CBLB: variants seen among roughly 807,000 people sequenced by gnomAD.
CBLB encodes the protein E3 ubiquitin-protein ligase CBL-B.
CBLB carries 31 observed loss-of-function variants against 104.9 expected under a neutral mutation model. The ratio of observed to expected loss-of-function variants is 0.30; its 90% CI spans 0.22 to 0.40. The LOEUF (loss-of-function observed/expected upper bound fraction) is 0.40. Among genes scored for constraint, CBLB ranks in the 10% least tolerant of loss-of-function variants. The pLI is 1.00. For synonymous variants in CBLB, 440 were observed against 422.6 expected (o/e 1.04, Z -0.51); for missense variants, 1,062 against 1,214.6 (o/e 0.87, Z 1.87).
rs567749134 is a variant in CBLB at position 105,669,422 on chromosome 3, G to T, written c.2689+811C>A. The stretch of plus-strand genomic sequence containing the variant: ...ACTAGACACTGAATGTTGGTAGCTT[G>T]ATCTTGGACTTCCCAGCTTCCAGAA... On this transcript the variant is annotated intron_variant, in intron 18 of 18. Transcript: ENST00000394030. 3.3e-5 allele frequency among the ~76,000 whole-genome samples: 5 copies of T among 152,240 alleles called. No individual in the cohort carries two copies. In the South Asian group the frequency reaches 6.2e-4, roughly 19 times the overall value.
chr3:105,833,898 C>T (rs1293115111), intron 3 of CBLB, among the ~76,000 whole-genome samples: 2 of 151,420 alleles, frequency 1.3e-5, no homozygotes, highest in Admixed American at 1.3e-4. Flanking sequence ...TAAGTAAAAC[C>T]TTTCGTTTTA....
At chr3:105,773,621 T>C (rs573156950) in intron 4 of CBLB, among the ~76,000 whole-genome samples, 2 of 152,222 alleles carry the variant, frequency 1.3e-5, no homozygotes, top group Non-Finnish European at 2.9e-5. Context: ...ACGCTAGTAA[T>C]ATATTTTTCG....
intron 14 of CBLB, among the ~76,000 whole-genome samples, chr3:105,684,907 C>T (rs1475216882): frequency 1.3e-5 from 2 of 152,118 alleles, no homozygotes; most frequent in African/African-American, 4.8e-5. Flanking sequence ...GATAGAAAAA[C>T]AAAAAGTTAA....
chr3:105,829,725 TA>T (rs10709438), intron 3 of CBLB, among the ~76,000 whole-genome samples: 124,844 of 138,264 alleles, frequency 0.9, 56,508 homozygotes, highest in Non-Finnish European at 0.96. Context: ...ATCTTCATAA[TA>T]ATGGAGGAAG....
At chr3:105,761,829 A>G (rs972293075) in intron 4 of CBLB, among the ~76,000 whole-genome samples, 2 of 152,174 alleles carry the variant, frequency 1.3e-5, no homozygotes, top group Admixed American at 1.3e-4. Context: ...GGCTCAGAAG[A>G]AGAGAGGAAG....
chr3:105,791,373 A>G (rs1318564280), intron 3 of CBLB, among the ~76,000 whole-genome samples: 2 of 152,228 alleles, frequency 1.3e-5, no homozygotes, highest in Admixed American at 6.5e-5. Flanking sequence ...AAAATACCAC[A>G]GTTAATTCCC....
At chr3:105,752,085 T>C (rs111466354) in intron 4 of CBLB, among the ~76,000 whole-genome samples, 229 of 152,298 alleles carry the variant, frequency 1.5e-3, no homozygotes, top group African/African-American at 5.3e-3. Flanking sequence ...AAGGCTAAGG[T>C]AGAAAGCCAT....
At position 105,693,578 on chromosome 3, in the gene CBLB, T is replaced by C. The variant is rs767845485; in HGVS notation, c.1970A>G (p.Asn657Ser). 4.0e-5 allele frequency: 65 copies of C among 1,610,858 alleles called. No individual in the cohort carries two copies. The highest frequency in any genetic ancestry group is 6.7e-5 in the African/African-American group (5 of 74,846). Reference protein sequence around the residue: ...LPLEGAKVFSNGHLGSEEYDV... With the variant: ...LPLEGAKVFSSGHLGSEEYDV... ...ATATTCTTCACTTCCAAGGTGACCA[T>C]TGGAAAAGACCTGAAAGTAAATCAA... Residue 657 changes from asparagine (N) to serine (S), a missense_variant, in exon 13 of 19, where the codon AAT becomes AGT. Asn to Ser is a conservative substitution (Grantham distance 46, BLOSUM62 1). Transcript: ENST00000394030.
intron 14 of CBLB, among the ~76,000 whole-genome samples, chr3:105,684,529 G>A (rs950920332): frequency 5.4e-5 from 8 of 148,690 alleles, no homozygotes; most frequent in Non-Finnish European, 1.2e-4. Flanking sequence ...ACAAAAGTAA[G>A]GAAAAAACCC....
At chr3:105,847,778 GATT>G (rs1478986608) in intron 3 of CBLB, among the ~76,000 whole-genome samples, 1 of 152,012 alleles carries the variant, frequency 6.6e-6, no homozygotes, top group Admixed American at 6.6e-5. Flanking sequence ...CAGAGCAGCT[GATT>G]AATACACACT....
chr3:105,733,050 A>C (rs2074491695), intron 9 of CBLB, among the ~76,000 whole-genome samples: 1 of 152,146 alleles, frequency 6.6e-6, no homozygotes. Context: ...AAAAATCCCC[A>C]ATCTTTGTTA....
At chr3:105,850,293 A>C (rs1198956685) in intron 3 of CBLB, among the ~76,000 whole-genome samples, 3 of 152,050 alleles carry the variant, frequency 2.0e-5, no homozygotes, top group Admixed American at 2.0e-4. Context: ...TGTTATGGGT[A>C]TTTGGCCAGT....
intron 2 of CBLB, among the ~76,000 whole-genome samples, chr3:105,855,503 A>C (rs1186784875): frequency 6.6e-6 from 1 of 152,238 alleles, no homozygotes; most frequent in Non-Finnish European, 1.5e-5. Context: ...TCAAAGCATC[A>C]TGTTATACAC....
chr3:105,662,865 C>T (rs369083295), intron 18 of CBLB, among the ~76,000 whole-genome samples: 180 of 152,244 alleles, frequency 1.2e-3, no homozygotes, highest in African/African-American at 4.2e-3. Context: ...GTGATGTGGC[C>T]GACCGCCACT....
At chr3:105,789,639 CCT>C (rs947732483) in intron 3 of CBLB, among the ~76,000 whole-genome samples, 19 of 152,058 alleles carry the variant, frequency 1.2e-4, no homozygotes, top group African/African-American at 4.3e-4. Flanking sequence ...TAGAAAAACC[CCT>C]GACATTGTAT....
At chr3:105,787,532 T>C (rs543791633) in intron 3 of CBLB, among the ~76,000 whole-genome samples, 1 of 152,306 alleles carries the variant, frequency 6.6e-6, no homozygotes, top group Admixed American at 6.5e-5. Context: ...AGCAGGAGAC[T>C]AGATAACTCT....
At chr3:105,760,405 A>C (rs544240049) in intron 4 of CBLB, among the ~76,000 whole-genome samples, 52 of 152,312 alleles carry the variant, frequency 3.4e-4, no homozygotes, top group Admixed American at 1.0e-3. Flanking sequence ...CTAAAGTACA[A>C]CTGTTCTTCA....
chr3:105,656,900 CA>C lies in CBLB; in HGVS notation c.*2069del. ...AAGGTGACATCTGAAACTGTTAAAA[CA>C]AGTGAAAAATCATAATGACAAAACA... On this transcript the variant is annotated 3_prime_UTR_variant, in exon 19 of 19. Coordinates refer to ENST00000394030, the MANE Select transcript of CBLB (RefSeq NM_170662.5). 4.7e-6 allele frequency: 1 copy of C among 212,826 alleles called. No individual in the cohort carries two copies. The highest frequency in any genetic ancestry group is 9.5e-6 in the Non-Finnish European group (1 of 105,226). 13.2% of individuals were successfully genotyped at this position (212,826 alleles called of 1,614,324 possible).
intron 18 of CBLB, among the ~76,000 whole-genome samples, chr3:105,666,034 A>C (rs2152686139): frequency 6.6e-6 from 1 of 152,150 alleles, no homozygotes; most frequent in East Asian, 1.9e-4. Context: ...CAAAAAAAAA[A>C]AAAATTATAT....
Sources: allele counts gnomAD v4.1 joint callset (sites outside exome capture counted in the v4.1 genomes callset), GRCh38; gene constraint gnomAD v4.1.1; transcripts MANE v1.5; gene names NCBI Gene and HGNC (gene_info 2026-07-23, HGNC 2026-07-21).